SENP1: variants seen among roughly 807,000 people sequenced by gnomAD.
SENP1 encodes SUMO specific peptidase 1, also known as sentrin-specific protease 1.
Under a neutral mutation model 93.0 loss-of-function variants are expected in SENP1, and 21 were observed. The observed-to-expected ratio is 0.23, with a 90% CI of 0.16 to 0.33. The LOEUF is 0.33. Among genes scored for constraint, SENP1 ranks in the 10% least tolerant of loss-of-function variants. The pLI, the probability that SENP1 is intolerant of heterozygous loss-of-function variation, is 1.00. For missense variants in SENP1, 591 were observed against 758.7 expected (o/e 0.78, Z 2.60); for synonymous variants, 256 against 259.6 (o/e 0.99, Z 0.13).
At chr12:48,103,933 C>G (rs926319759) in intron 1 of SENP1, among the ~76,000 whole-genome samples, 11 of 152,122 alleles carry the variant, frequency 7.2e-5, no homozygotes, top group African/African-American at 2.7e-4. Flanking sequence ...TATATTGAGG[C>G]TGGGCACGGT....
intron 5 of SENP1, 36 bp downstream of exon 5, chr12:48,088,765 G>A (rs749773226): frequency 6.3e-6 from 10 of 1,584,158 alleles, no homozygotes; most frequent in Admixed American, 1.8e-5. Flanking sequence ...TTATGTCTGA[G>A]GAAGGGCTTG....
intron 4 of SENP1, among the ~76,000 whole-genome samples, chr12:48,096,042 T>C (rs1161726599): frequency 6.6e-6 from 1 of 152,196 alleles, no homozygotes; most frequent in African/African-American, 2.4e-5. Flanking sequence ...ACACATCACA[T>C]ACACATATTC....
chr12:48,068,321 T>C (rs1209830621), intron 9 of SENP1, among the ~76,000 whole-genome samples: 1 of 152,222 alleles, frequency 6.6e-6, no homozygotes, highest in African/African-American at 2.4e-5. Flanking sequence ...TTGAGGCATA[T>C]AGTAATAATA....
rs554542518 is a variant in SENP1 at position 48,092,314 on chromosome 12, T to C, written c.221-3354A>G. On this transcript the variant is annotated intron_variant, in intron 4 of 17. Transcript: ENST00000549518. ...ACAAAGTGATGACCACTGCAATCGA[T>C]GTGGGGATTATCAGAAAAGAATATA... Among the ~76,000 whole-genome samples the C allele has an allele frequency of 4.6e-5, 7 of 152,226 alleles. No homozygotes were observed. In the East Asian group the frequency reaches 7.7e-4, roughly 17 times the overall value.
intron 9 of SENP1, among the ~76,000 whole-genome samples, chr12:48,070,260 A>C (rs184694100): frequency 2.0e-5 from 3 of 152,308 alleles, no homozygotes; most frequent in Admixed American, 1.3e-4. Context: ...CACATGAAAG[A>C]GTCCCATATT....
At chr12:48,045,537 T>G (rs1434922650) in intron 17 of SENP1, among the ~76,000 whole-genome samples, 153 bp from the exon 18 acceptor site, 2 of 152,210 alleles carry the variant, frequency 1.3e-5, no homozygotes, top group African/African-American at 2.4e-5. Context: ...TACATGTAGT[T>G]TTTTTCTTTT....
intron 6 of SENP1, among the ~76,000 whole-genome samples, chr12:48,075,448 C>T (rs549932747): frequency 6.6e-6 from 1 of 152,300 alleles, no homozygotes; most frequent in Non-Finnish European, 1.5e-5. Context: ...CAACAAATCC[C>T]TTGACTCCTG....
chr12:48,051,069 G>GT (rs1196892788), intron 13 of SENP1, among the ~76,000 whole-genome samples: 2 of 146,854 alleles, frequency 1.4e-5, no homozygotes, highest in African/African-American at 2.5e-5. Context: ...CTCTGGAATC[G>GT]TAAGTCTGAA....
At chr12:48,087,664 C>T (rs1259422393) in intron 5 of SENP1, among the ~76,000 whole-genome samples, 1 of 152,152 alleles carries the variant, frequency 6.6e-6, no homozygotes, top group African/African-American at 2.4e-5. Context: ...TTGATTTCTA[C>T]AATGTGAGTG....
Position 48,044,132 on chromosome 12 carries a change from T to A in SENP1, c.*1190A>T, listed in dbSNP as rs1273881819. 1 of 152,064 alleles carries A rather than the reference T, an allele frequency of 6.6e-6. No homozygotes were observed. Among genetic ancestry groups the A allele is most frequent in the Non-Finnish European group, 1.5e-5 (1 of 67,900 alleles). The allele number at this position is 152,064 out of a possible 1,614,324, so 9.4% of individuals were successfully genotyped here. On this transcript the variant is annotated 3_prime_UTR_variant, in exon 18 of 18. Coordinates refer to ENST00000549518, the MANE Select transcript of SENP1 (RefSeq NM_001267594.2). ...GATCAGTCCAAACTCCACCCGTTTT[T>A]TTTTTTAGCTGAAAATATCACCTCC...
At chr12:48,089,310 C>T (rs1945079416) in intron 4 of SENP1, 3 of 1,357,924 alleles carry the variant, frequency 2.2e-6, no homozygotes, top group Non-Finnish European at 2.9e-6. Context: ...GAAGGTAGGC[C>T]AGACCAGTAA....
At chr12:48,094,107 G>T (rs1270594060) in intron 4 of SENP1, among the ~76,000 whole-genome samples, 2 of 152,206 alleles carry the variant, frequency 1.3e-5, no homozygotes, top group Admixed American at 1.3e-4. Flanking sequence ...GGGTGCAGTG[G>T]CTCACACCTG....
At chr12:48,063,670 A>G (rs781101553) in intron 13 of SENP1, 40 bp downstream of exon 13, 1 of 1,587,034 alleles carries the variant, frequency 6.3e-7, no homozygotes, top group Non-Finnish European at 8.6e-7. Context: ...ACTGCCACTT[A>G]ATGTTTACTA....
intron 6 of SENP1, among the ~76,000 whole-genome samples, chr12:48,079,341 T>A (rs1445090938): frequency 6.6e-6 from 1 of 151,162 alleles, no homozygotes; most frequent in African/African-American, 2.4e-5. Context: ...CTACTGAAAA[T>A]ACAAAAAATT....
At position 48,045,123 on chromosome 12, in the gene SENP1, A is replaced by G. The variant is rs1592270115; in HGVS notation, c.*199T>C. On this transcript the variant is annotated 3_prime_UTR_variant, in exon 18 of 18. Transcript: ENST00000549518. Reference sequence around the variant, plus strand: ...GTCCCTCACCCCTTTCACAGCACCAAAGTTTCTTTGCAAAAATAGTATCTG... The same window carrying G: ...GTCCCTCACCCCTTTCACAGCACCAGAGTTTCTTTGCAAAAATAGTATCTG... 11 of 569,224 alleles carry G rather than the reference A, an allele frequency of 1.9e-5. No homozygotes were observed. In the South Asian group the frequency reaches 2.3e-4, roughly 12 times the overall value. The allele number at this position is 569,224 out of a possible 1,614,324, so 35.3% of individuals were successfully genotyped here.
intron 1 of SENP1, 50 bp from the exon 2 acceptor site, chr12:48,101,566 T>C: frequency 1.0e-6 from 1 of 964,406 alleles, no homozygotes; most frequent in Non-Finnish European, 1.6e-6. Context: ...AACACCTACT[T>C]CACTTAATTT....
At chr12:48,078,363 A>T (rs1944281767) in intron 6 of SENP1, among the ~76,000 whole-genome samples, 1 of 104,030 alleles carries the variant, frequency 9.6e-6, no homozygotes, top group Non-Finnish European at 2.3e-5. Flanking sequence ...ACACACACAC[A>T]CATACACATA....
chr12:48,063,852 A>C lies in SENP1; in HGVS notation c.1276-11T>G. Reference sequence around the variant, plus strand: ...TTCTTTCTCCATTTCCTAAGAAAACAAAAGGTGTCAAGACATCAAACACGC... The same window carrying C: ...TTCTTTCTCCATTTCCTAAGAAAACCAAAGGTGTCAAGACATCAAACACGC... On this transcript the variant is annotated splice_polypyrimidine_tract_variant and intron_variant, in intron 12 of 17. Transcript: ENST00000549518. The C allele has an allele frequency of 6.2e-7, 1 of 1,603,990 alleles. No individual in the cohort carries two copies. The highest frequency in any genetic ancestry group is 8.5e-7 in the Non-Finnish European group (1 of 1,176,564).
chr12:48,045,418 T>A lies in SENP1; in HGVS notation c.1873-34A>T, dbSNP rs370106232. 26 of 1,590,428 alleles carry A rather than the reference T, an allele frequency of 1.6e-5. No homozygotes were observed. The African/African-American group carries it at 2.4e-4, about 15-fold the overall frequency. The stretch of plus-strand genomic sequence containing the variant: ...ACACAGAGACACCCTTAATTTTCAA[T>A]GCTTTTGTCTAGACCTGATACGCCT... On this transcript the variant is annotated intron_variant, in intron 17 of 17. Coordinates refer to ENST00000549518, the MANE Select transcript of SENP1 (RefSeq NM_001267594.2).
Sources: allele counts gnomAD v4.1 joint callset (sites outside exome capture counted in the v4.1 genomes callset), GRCh38; gene constraint gnomAD v4.1.1; transcripts MANE v1.5; gene names NCBI Gene and HGNC (gene_info 2026-07-23, HGNC 2026-07-21).